Variants in PLCH1 observed in about 807,000 individuals in gnomAD.
PLCH1 encodes 1-phosphatidylinositol 4,5-bisphosphate phosphodiesterase eta-1.
A neutral mutation model predicts 126.7 loss-of-function variants in PLCH1; 60 were observed. That is an observed-to-expected ratio of 0.47 (90% CI 0.38 to 0.59). The LOEUF (loss-of-function observed/expected upper bound fraction) is 0.59, where lower values mean the gene tolerates loss of function less well. Ranked by LOEUF, PLCH1 falls within the 20% of genes least tolerant of loss-of-function variation. The pLI, the probability that PLCH1 is intolerant of heterozygous loss-of-function variation, is 0.00. For synonymous variants in PLCH1, 719 were observed against 734.9 expected, an observed-to-expected ratio of 0.98 and a Z score of 0.35; for missense variants, 1,723 against 2,040.0, an observed-to-expected ratio of 0.84 and a Z score of 2.99.
chr3:155,638,781 T>C (rs1577213361), intron 2 of PLCH1, among the ~76,000 whole-genome samples: 1 of 152,362 alleles, frequency 6.6e-6, no homozygotes, highest in South Asian at 2.1e-4. Context: ...TTTTCTAACA[T>C]GTCTATTCTC....
At chr3:155,483,504 A>G in intron 22 of PLCH1, 1 of 466,186 alleles carries the variant, frequency 2.1e-6, no homozygotes, top group Non-Finnish European at 3.8e-6. Context: ...AAAAAAGAAG[A>G]AAAGAAGAAA....
At chr3:155,454,116 T>A (rs1317998936) in intron 21 of PLCH1, among the ~76,000 whole-genome samples, 1 of 152,198 alleles carries the variant, frequency 6.6e-6, no homozygotes, top group Non-Finnish European at 1.5e-5. Flanking sequence ...TTCTACTAAT[T>A]AAGAACTTTA....
intron 2 of PLCH1, among the ~76,000 whole-genome samples, chr3:155,694,582 GTTC>G (rs942408360): frequency 1.3e-5 from 2 of 152,312 alleles, no homozygotes; most frequent in Admixed American, 1.3e-4. Context: ...TGTGTTCCCT[GTTC>G]TTCTTTTAAT....
intron 11 of PLCH1, among the ~76,000 whole-genome samples, chr3:155,520,648 G>A (rs923959356): frequency 3.3e-5 from 5 of 152,190 alleles, no homozygotes; most frequent in African/African-American, 9.7e-5. Context: ...CCATAAAGAT[G>A]AATAATGGTG....
At chr3:155,701,677 A>G (rs989884596) in intron 2 of PLCH1, among the ~76,000 whole-genome samples, 1 of 152,220 alleles carries the variant, frequency 6.6e-6, no homozygotes, top group Non-Finnish European at 1.5e-5. Flanking sequence ...GACATTTCCT[A>G]CTCAACATGT....
At chr3:155,565,161 A>G in intron 7 of PLCH1, 43 bp from the exon 8 acceptor site, 1 of 1,353,964 alleles carries the variant, frequency 7.4e-7, no homozygotes, top group Non-Finnish European at 1.1e-6. Flanking sequence ...TTCAAAGCAT[A>G]TATACTTAAT....
chr3:155,571,519 G>A (rs1229598689), intron 6 of PLCH1, among the ~76,000 whole-genome samples: 4 of 152,122 alleles, frequency 2.6e-5, no homozygotes, highest in Non-Finnish European at 5.9e-5. Flanking sequence ...TCCTGCCTCA[G>A]CCTCCCATGT....
chr3:155,717,259 T>A (rs1747588415), intron 1 of PLCH1, among the ~76,000 whole-genome samples: 1 of 152,240 alleles, frequency 6.6e-6, no homozygotes, highest in Middle Eastern at 3.2e-3. Flanking sequence ...TGGCTTTTCC[T>A]GGAGCAGTAT....
intron 2 of PLCH1, among the ~76,000 whole-genome samples, chr3:155,616,935 A>T (rs1735869358): frequency 6.6e-6 from 1 of 152,182 alleles, no homozygotes; most frequent in East Asian, 1.9e-4. Context: ...CCTGTTAGAT[A>T]TTAGTTCCCC....
intron 1 of PLCH1, among the ~76,000 whole-genome samples, chr3:155,714,153 G>A (rs1747345142): frequency 6.6e-6 from 1 of 152,168 alleles, no homozygotes; most frequent in South Asian, 2.1e-4. Context: ...TGGGAATTTT[G>A]CACCCAGGTA....
chr3:155,680,480 G>A (rs1334696636), intron 2 of PLCH1, among the ~76,000 whole-genome samples: 12 of 152,112 alleles, frequency 7.9e-5, no homozygotes, highest in Non-Finnish European at 1.8e-4. Context: ...CAAGTATAGG[G>A]TGCAGCTTCG....
At chr3:155,606,165 T>C (rs1734328385) in intron 2 of PLCH1, among the ~76,000 whole-genome samples, 1 of 152,232 alleles carries the variant, frequency 6.6e-6, no homozygotes. Context: ...TGAATCTTGT[T>C]TTTTGAGGAA....
intron 2 of PLCH1, among the ~76,000 whole-genome samples, chr3:155,677,695 G>C (rs1489231936): frequency 3.1e-4 from 47 of 152,124 alleles, no homozygotes; most frequent in Admixed American, 3.0e-3. Context: ...AAAGTGCTTA[G>C]AATCACAATT....
intron 18 of PLCH1, among the ~76,000 whole-genome samples, chr3:155,491,533 G>T (rs1716201230): frequency 6.6e-6 from 1 of 152,134 alleles, no homozygotes; most frequent in African/African-American, 2.4e-5. Context: ...AAAGTGCTGG[G>T]ATTATAAATG....
chr3:155,621,580 G>A (rs1736504650), intron 2 of PLCH1, among the ~76,000 whole-genome samples: 1 of 152,208 alleles, frequency 6.6e-6, no homozygotes, highest in East Asian at 1.9e-4. Context: ...ACCTGATTGA[G>A]CTGAAAAACA....
intron 2 of PLCH1, among the ~76,000 whole-genome samples, chr3:155,642,440 A>G (rs1258251296): frequency 1.3e-5 from 2 of 152,218 alleles, no homozygotes; most frequent in Admixed American, 1.3e-4. Context: ...GGTCAACTTG[A>G]CTGGGCCACA....
At position 155,681,017 on chromosome 3, in the gene PLCH1, G is replaced by T. The variant is rs533833312; in HGVS notation, c.79+23129C>A. On this transcript the variant is annotated intron_variant, in intron 2 of 22. Transcript: ENST00000460012. Reference sequence around the variant, plus strand: ...TAACTACTAATGTTACTTTAAATACGTAAAATATAGAATATAGACATATAG... The same window carrying T: ...TAACTACTAATGTTACTTTAAATACTTAAAATATAGAATATAGACATATAG... Among the ~76,000 whole-genome samples, 7 of 151,826 alleles carry T rather than the reference G, an allele frequency of 4.6e-5. No homozygotes were observed. The East Asian group carries it at 1.2e-3, about 25-fold the overall frequency.
At chr3:155,700,314 A>T (rs1746178575) in intron 2 of PLCH1, among the ~76,000 whole-genome samples, 1 of 152,218 alleles carries the variant, frequency 6.6e-6, no homozygotes, top group Non-Finnish European at 1.5e-5. Context: ...AATTAGTTTT[A>T]TTAAAATGTA....
intron 8 of PLCH1, among the ~76,000 whole-genome samples, chr3:155,557,592 A>C (rs1214527061): frequency 6.6e-6 from 1 of 152,204 alleles, no homozygotes. Context: ...TGGCATCTTA[A>C]TATGTGGCAT....
Sources: gnomAD v4.1 joint callset for allele counts (sites outside exome capture counted in the v4.1 genomes callset) on GRCh38, gnomAD v4.1.1 for gene constraint, MANE v1.5 for transcripts, NCBI Gene and HGNC (gene_info 2026-07-23, HGNC 2026-07-21) for gene names.